Variants in DRC4 observed in about 807,000 individuals in gnomAD.
DRC4 encodes the protein GAS-11.
chr16:90,038,925 C>T, the DRC4 span, among the ~76,000 whole-genome samples: 19,966 of 152,208 alleles, frequency 0.13, 2,302 homozygotes, highest in East Asian at 0.62. Context: ...TATCTTGAGC[C>T]GCAGTTATAT....
the DRC4 span, among the ~76,000 whole-genome samples, chr16:90,035,121 T>G: frequency 6.6e-6 from 1 of 152,134 alleles, no homozygotes; most frequent in Non-Finnish European, 1.5e-5. Flanking sequence ...CAGGCTGGTC[T>G]TAAACTCCCG....
the DRC4 span, among the ~76,000 whole-genome samples, chr16:90,041,649 C>G: frequency 2.0e-5 from 3 of 151,976 alleles, no homozygotes; most frequent in Admixed American, 6.6e-5. Flanking sequence ...ACTAAAAATA[C>G]AAAAATTAGC....
chr16:90,021,521 C>G, the DRC4 span, among the ~76,000 whole-genome samples: 1 of 151,696 alleles, frequency 6.6e-6, no homozygotes, highest in Admixed American at 6.6e-5. Context: ...AGGGCTCAAA[C>G]GATTCTCCCA....
At chr16:90,040,228 A>G in the DRC4 span, 2 of 1,419,762 alleles carry the variant, frequency 1.4e-6, no homozygotes, top group Non-Finnish European at 1.9e-6. Context: ...CAGAGGTGGG[A>G]GGCAGCATCT....
At chr16:90,036,571 C>T in the DRC4 span, 2 of 1,581,674 alleles carry the variant, frequency 1.3e-6, no homozygotes, top group Non-Finnish European at 1.7e-6. Flanking sequence ...ACCTGGCCCT[C>T]ATCAACTCCC....
the DRC4 span, chr16:90,037,864 C>T: frequency 6.2e-7 from 1 of 1,610,232 alleles, no homozygotes; most frequent in Middle Eastern, 1.7e-4. Context: ...TGGCACCACG[C>T]TGGCCCTGCA....
the DRC4 span, chr16:90,044,138 C>T: frequency 2.2e-6 from 1 of 455,422 alleles, no homozygotes; most frequent in South Asian, 1.6e-5. Flanking sequence ...ACAGAAGCCA[C>T]AGCCCAGTAA....
chr16:90,019,780 T>G, the DRC4 span: 9 of 691,428 alleles, frequency 1.3e-5, no homozygotes, highest in South Asian at 1.2e-4. The surrounding 1 kb of genome is among the most constrained non-coding windows in gnomAD (Gnocchi z 6.1). Context: ...TACTTGCGTG[T>G]GGGGCGCCGA....
chr16:90,042,868 G>A, the DRC4 span: 1 of 504,044 alleles, frequency 2.0e-6, no homozygotes, highest in Non-Finnish European at 3.6e-6. Flanking sequence ...AACAGGGGAA[G>A]GGAGGGCGTG....
the DRC4 span, chr16:90,040,466 A>C: frequency 6.2e-7 from 1 of 1,609,568 alleles, no homozygotes; most frequent in African/African-American, 1.3e-5. Context: ...GCTGCCTCTA[A>C]CCTGGACCCT....
At chr16:90,043,352 C>T in the DRC4 span, 1 of 1,603,556 alleles carries the variant, frequency 6.2e-7, no homozygotes, top group East Asian at 2.2e-5. Flanking sequence ...GTAGCTGCCC[C>T]CCTGGGGGGC....
At chr16:90,029,193 G>GCAGCCTACGGGGCAGGCTGCGGGA in the DRC4 span, 1 of 1,357,276 alleles carries the variant, frequency 7.4e-7, no homozygotes, top group Non-Finnish European at 9.8e-7. Flanking sequence ...AGGCTATGGG[G>GCAGCCTACGGGGCAGGCTGCGGGA]CAGCCTACGG....
chr16:90,019,885 C>G, the DRC4 span: 16 of 656,728 alleles, frequency 2.4e-5, no homozygotes, highest in South Asian at 1.2e-4. This position sits in a 1 kb window ranked among gnomAD's most constrained non-coding sequence, Gnocchi z 6.1. Context: ...CTGGATGGCG[C>G]GAATTAACGC....
the DRC4 span, chr16:90,036,906 A>C: frequency 5.4e-6 from 3 of 556,758 alleles, no homozygotes; most frequent in East Asian, 6.3e-5. Context: ...TAGGTGTCAT[A>C]GTCACTGCCT....
chr16:90,025,510 C>T, the DRC4 span, among the ~76,000 whole-genome samples: 21,383 of 150,326 alleles, frequency 0.14, 2,469 homozygotes, highest in East Asian at 0.61. Context: ...ATTAGCCGGA[C>T]GTGGTGGTGG....
the DRC4 span, chr16:90,027,604 GA>G: frequency 6.2e-7 from 1 of 1,604,164 alleles, no homozygotes. Context: ...GAAGCTGTTA[GA>G]GTCTCTCTTA....
At chr16:90,037,480 C>T in the DRC4 span, 2 of 1,475,902 alleles carry the variant, frequency 1.4e-6, no homozygotes, top group Non-Finnish European at 1.8e-6. Flanking sequence ...CAGGGAGGGG[C>T]TTGGCCCTTA....
the DRC4 span, chr16:90,035,490 C>G: frequency 7.6e-6 from 8 of 1,054,464 alleles, no homozygotes; most frequent in South Asian, 1.1e-4. Flanking sequence ...TGTTCTCTCT[C>G]AAGCTTAGAG....
the DRC4 span, among the ~76,000 whole-genome samples, chr16:90,038,359 G>A: frequency 2.5e-3 from 385 of 152,258 alleles, 3 homozygotes; most frequent in African/African-American, 8.9e-3. Flanking sequence ...AGCACAATTT[G>A]CTTTTTAATC....
Sources: allele counts gnomAD v4.1 joint callset (sites outside exome capture counted in the v4.1 genomes callset), GRCh38; gene constraint gnomAD v4.1.1; non-coding constraint Gnocchi (gnomAD v3.1); transcripts MANE v1.5; gene names NCBI Gene and HGNC (gene_info 2026-07-23, HGNC 2026-07-21).